ROBO2: variants seen among roughly 807,000 people sequenced by gnomAD.
The protein encoded by ROBO2 is roundabout guidance receptor 2.
In ROBO2, 53 loss-of-function variants were observed where a neutral mutation model predicts 160.8. The ratio of observed to expected loss-of-function variants is 0.33; its 90% CI spans 0.26 to 0.41. The LOEUF (loss-of-function observed/expected upper bound fraction) is 0.41. Ranked by LOEUF, ROBO2 falls within the 10% of genes least tolerant of loss-of-function variation. The probability of loss-of-function intolerance (pLI) is 1.00; values close to 1 mark genes in which losing one functional copy is unlikely to be tolerated. For synonymous variants in ROBO2, 664 were observed against 611.7 expected (o/e 1.09, Z -1.26); for missense variants, 1,577 against 1,722.4 (o/e 0.92, Z 1.49).
intron 2 of ROBO2, among the ~76,000 whole-genome samples, chr3:76,985,494 A>G (rs1468458642): frequency 2.1e-5 from 3 of 140,166 alleles, no homozygotes; most frequent in Non-Finnish European, 4.6e-5. Context: ...AGGCAGGAGA[A>G]TGGTGGGAAC....
chr3:76,060,252 A>G (rs1007305436), intron 2 of ROBO2, among the ~76,000 whole-genome samples: 8 of 152,152 alleles, frequency 5.3e-5, no homozygotes, highest in African/African-American at 1.7e-4. Context: ...GTTCATTCAT[A>G]TATAAATTAA....
intron 2 of ROBO2, among the ~76,000 whole-genome samples, chr3:76,760,795 G>T (rs1042446539): frequency 6.6e-6 from 1 of 151,580 alleles, no homozygotes; most frequent in African/African-American, 2.4e-5. Flanking sequence ...TCCATTTATT[G>T]GATAGTCAAT....
intron 2 of ROBO2, among the ~76,000 whole-genome samples, chr3:77,339,965 G>T (rs1437613907): frequency 6.6e-6 from 1 of 152,044 alleles, no homozygotes; most frequent in African/African-American, 2.4e-5. Context: ...CAAATGAGAT[G>T]CCCCAAGTTG....
intron 2 of ROBO2, among the ~76,000 whole-genome samples, chr3:76,211,537 T>C (rs1247138186): frequency 6.6e-6 from 1 of 152,084 alleles, no homozygotes; most frequent in Non-Finnish European, 1.5e-5. Flanking sequence ...TAACACATGA[T>C]TGGGAGAAAC....
rs79579667 is a variant in ROBO2, at chr3:76,068,159, T to C, written c.109+130557T>C. ...CAAGCCATGCAGGATAGCCTAGTTG[T>C]TAAGAGTACAGACTTTGCAGGTAGA... On this transcript the variant is annotated intron_variant, in intron 2 of 26. Transcript: ENST00000487694. Among the ~76,000 whole-genome samples the C allele has an allele frequency of 7.2e-3, 1,095 of 152,162 alleles. 63 individuals are homozygous for C. In the East Asian group the frequency reaches 0.15, roughly 21 times the overall value.
intron 2 of ROBO2, among the ~76,000 whole-genome samples, chr3:76,469,119 C>T (rs546683247): frequency 4.6e-5 from 7 of 152,038 alleles, no homozygotes; most frequent in African/African-American, 1.4e-4. Flanking sequence ...TCTTATTCCC[C>T]GACCCCACAG....
intron 2 of ROBO2, among the ~76,000 whole-genome samples, chr3:77,313,292 G>C (rs1325141425): frequency 6.6e-6 from 1 of 152,022 alleles, no homozygotes; most frequent in African/African-American, 2.4e-5. Flanking sequence ...ATGATGTTTT[G>C]ATACATATAA....
chr3:75,947,561 C>A (rs1430469140), intron 2 of ROBO2, among the ~76,000 whole-genome samples: 1 of 152,096 alleles, frequency 6.6e-6, no homozygotes, highest in Non-Finnish European at 1.5e-5. Context: ...GTTGCTGACT[C>A]CTGATCTAGA....
chr3:76,814,871 C>G (rs1267620354), intron 2 of ROBO2, among the ~76,000 whole-genome samples: 1 of 151,958 alleles, frequency 6.6e-6, no homozygotes, highest in Non-Finnish European at 1.5e-5. Context: ...ACCATTTTCT[C>G]AGCCAGGCCA....
chr3:76,710,991 C>T (rs1385519624), intron 2 of ROBO2, among the ~76,000 whole-genome samples: 1 of 152,132 alleles, frequency 6.6e-6, no homozygotes, highest in Non-Finnish European at 1.5e-5. Context: ...ATAGAAAATA[C>T]AATGGAATTG....
intron 2 of ROBO2, among the ~76,000 whole-genome samples, chr3:76,029,367 T>TTTA (rs895643724): frequency 6.6e-6 from 1 of 151,968 alleles, no homozygotes; most frequent in African/African-American, 2.4e-5. Context: ...CTTACATTTC[T>TTTA]TTATTATTAT....
chr3:75,994,666 G>T (rs557707824), intron 2 of ROBO2, among the ~76,000 whole-genome samples: 1 of 152,254 alleles, frequency 6.6e-6, no homozygotes, highest in East Asian at 1.9e-4. Context: ...ATGTAAAAAT[G>T]GACTAATACA....
intron 1 of ROBO2, among the ~76,000 whole-genome samples, chr3:75,922,382 AT>A (rs1376701138): frequency 6.6e-6 from 1 of 152,166 alleles, no homozygotes; most frequent in Non-Finnish European, 1.5e-5. Context: ...TTTTTAAAAA[AT>A]ATTTATGGAT....
Position 76,066,234 on chromosome 3 carries a change from T to G in ROBO2, c.109+128632T>G, listed in dbSNP as rs147992450. Among the ~76,000 whole-genome samples, 462 of 152,232 alleles carry G rather than the reference T, an allele frequency of 3.0e-3. 1 individual carries two copies. Among genetic ancestry groups the G allele is most frequent in the Non-Finnish European group, 4.9e-3 (331 of 67,958 alleles). ...ATAGCATGACATGCTAATAACTCAC[T>G]CCATTTTGGAGAGTGTTGAAATTAT... On this transcript the variant is annotated intron_variant, in intron 2 of 26. Coordinates refer to the ROBO2 transcript ENST00000487694.
chr3:76,255,717 AT>A (rs1349869653), intron 2 of ROBO2, among the ~76,000 whole-genome samples: 1 of 152,084 alleles, frequency 6.6e-6, no homozygotes, highest in East Asian at 1.9e-4. Flanking sequence ...AGAGAATACT[AT>A]TTTACTCTTT....
At chr3:77,019,125 T>C (rs1412367442) in intron 2 of ROBO2, among the ~76,000 whole-genome samples, 1 of 152,178 alleles carries the variant, frequency 6.6e-6, no homozygotes, top group African/African-American at 2.4e-5. Context: ...GTTATCTTAG[T>C]CCACTTGGGC....
chr3:76,776,450 A>G (rs1180501875), intron 2 of ROBO2, among the ~76,000 whole-genome samples: 2 of 150,978 alleles, frequency 1.3e-5, no homozygotes, highest in African/African-American at 4.8e-5. Context: ...TAGGCCAACT[A>G]AAAGGAAGAT....
rs60754546 is a variant in ROBO2 at position 77,006,305 on chromosome 3, T to TTGTGTGTGTGTGTG, written c.110-91685_110-91672dup. Among the ~76,000 whole-genome samples, 523 of 143,956 alleles carry TTGTGTGTGTGTGTG rather than the reference T, an allele frequency of 3.6e-3. 3 individuals carry two copies. Among genetic ancestry groups the TTGTGTGTGTGTGTG allele is most frequent in the Middle Eastern group, 0.011 (3 of 280 alleles). The allele number at this position is 143,956 out of a possible 152,430, so 94.4% of individuals were successfully genotyped here. Reference sequence around the variant, plus strand: ...AATGTTGATAATAGAATTTTAATATTTGTGTGTGTGTGTGTGTGTGTGTGT... The same window carrying TTGTGTGTGTGTGTG: ...AATGTTGATAATAGAATTTTAATATTTGTGTGTGTGTGTGTGTGTGTGTGTGTGTGTGTGTGTGT... On this transcript the variant is annotated intron_variant, in intron 2 of 26. Coordinates refer to the ROBO2 transcript ENST00000487694.
At chr3:77,479,337 T>C (rs1470491409) in intron 3 of ROBO2, among the ~76,000 whole-genome samples, 1 of 152,212 alleles carries the variant, frequency 6.6e-6, no homozygotes, top group Non-Finnish European at 1.5e-5. Flanking sequence ...TGCAGGTTAC[T>C]GAGATTTCAG....
Sources: allele counts gnomAD v4.1 joint callset (sites outside exome capture counted in the v4.1 genomes callset), GRCh38; gene constraint gnomAD v4.1.1; transcripts MANE v1.5; gene names NCBI Gene and HGNC (gene_info 2026-07-23, HGNC 2026-07-21).